WDFY1: variants seen among roughly 807,000 people sequenced by gnomAD.
WDFY1 encodes WD repeat and FYVE domain-containing protein 1.
Under a neutral mutation model 56.4 loss-of-function variants are expected in WDFY1, and 32 were observed. The observed-to-expected ratio is 0.57, with a 90% CI of 0.43 to 0.76. WDFY1 has a LOEUF of 0.76. Ranked by LOEUF, WDFY1 falls within the 30% of genes least tolerant of loss-of-function variation. The probability of loss-of-function intolerance (pLI) is 0.00; values close to 1 mark genes in which losing one functional copy is unlikely to be tolerated. For missense variants in WDFY1, 480 were observed against 545.7 expected (o/e 0.88, Z 1.20); for synonymous variants, 192 against 197.3 (o/e 0.97, Z 0.23).
At chr2:223,899,296 G>T in intron 5 of WDFY1, 2 of 448,876 alleles carry the variant, frequency 4.5e-6, no homozygotes, top group Non-Finnish European at 8.1e-6. Context: ...TACTGAGAAA[G>T]TTTATATTCA....
chr2:223,918,908 G>A (rs1315511626), intron 1 of WDFY1, among the ~76,000 whole-genome samples: 1 of 152,138 alleles, frequency 6.6e-6, no homozygotes, highest in African/African-American at 2.4e-5. Flanking sequence ...CACATCTCTG[G>A]GGCCCTCTTT....
chr2:223,921,464 A>G (rs1693883748), intron 1 of WDFY1, among the ~76,000 whole-genome samples: 1 of 152,236 alleles, frequency 6.6e-6, no homozygotes, highest in South Asian at 2.1e-4. Flanking sequence ...CAAGGGAAAA[A>G]AAAATAGAGA....
At chr2:223,891,275 T>A (rs75022431) in intron 8 of WDFY1, among the ~76,000 whole-genome samples, 135 of 148,970 alleles carry the variant, frequency 9.1e-4, no homozygotes, top group African/African-American at 3.3e-3. Context: ...CCCAGATACC[T>A]GGGAGGCTGA....
intron 3 of WDFY1, among the ~76,000 whole-genome samples, chr2:223,908,916 G>A (rs897784427): frequency 7.2e-5 from 11 of 152,114 alleles, no homozygotes; most frequent in Admixed American, 2.6e-4. Flanking sequence ...CCTGCTTCCC[G>A]GACAGTTCTT....
At chr2:223,912,794 G>A (rs1455072083) in intron 2 of WDFY1, among the ~76,000 whole-genome samples, 3 of 152,210 alleles carry the variant, frequency 2.0e-5, no homozygotes, top group Non-Finnish European at 4.4e-5. Context: ...TATGGCATAT[G>A]TGAGTTGTGA....
chr2:223,889,958 A>G (rs1693240115), intron 8 of WDFY1, among the ~76,000 whole-genome samples: 1 of 152,214 alleles, frequency 6.6e-6, no homozygotes, highest in Admixed American at 6.5e-5. Context: ...AAACTGGCTC[A>G]GAGATTAAAG....
chr2:223,895,407 C>A (rs754463705), intron 7 of WDFY1, 97 bp downstream of exon 7: 1 of 1,566,174 alleles, frequency 6.4e-7, no homozygotes, highest in African/African-American at 1.4e-5. Context: ...CATCTTAGAA[C>A]GTGGGGTTTG....
intron 1 of WDFY1, among the ~76,000 whole-genome samples, chr2:223,940,892 G>A (rs981928854): frequency 4.6e-5 from 7 of 150,656 alleles, no homozygotes; most frequent in African/African-American, 1.5e-4. Flanking sequence ...GCATGATCTC[G>A]GCTCACTTCA....
At chr2:223,942,075 C>A (rs1286694290) in intron 1 of WDFY1, among the ~76,000 whole-genome samples, 2 of 152,196 alleles carry the variant, frequency 1.3e-5, no homozygotes, top group Non-Finnish European at 2.9e-5. Flanking sequence ...CAAGCTCCCC[C>A]AGAACGTTTC....
intron 11 of WDFY1, among the ~76,000 whole-genome samples, chr2:223,879,152 A>AT (rs1477067245): frequency 2.6e-5 from 4 of 152,250 alleles, no homozygotes; most frequent in Non-Finnish European, 2.9e-5. Context: ...ACACCACTAC[A>AT]CTACAGTCTG....
chr2:223,941,988 G>A (rs888662393), intron 1 of WDFY1, among the ~76,000 whole-genome samples: 1 of 151,982 alleles, frequency 6.6e-6, no homozygotes, highest in African/African-American at 2.4e-5. Context: ...AACCTCAAAC[G>A]CCAACCCCAT....
intron 2 of WDFY1, among the ~76,000 whole-genome samples, chr2:223,916,915 A>G (rs1427994216): frequency 6.6e-6 from 1 of 151,660 alleles, no homozygotes; most frequent in East Asian, 1.9e-4. Context: ...CCCGGATTGA[A>G]GCGATTCTCC....
intron 10 of WDFY1, 43 bp downstream of exon 10, chr2:223,881,899 G>A: frequency 6.2e-7 from 1 of 1,607,414 alleles, no homozygotes; most frequent in African/African-American, 1.3e-5. Context: ...CCATTAGACA[G>A]ATGTAATAAG....
intron 1 of WDFY1, among the ~76,000 whole-genome samples, chr2:223,928,220 A>G (rs759408813): frequency 2.6e-5 from 4 of 152,230 alleles, no homozygotes; most frequent in Non-Finnish European, 5.9e-5. Flanking sequence ...TGGCACAGAT[A>G]GACTTGCCTG....
chr2:223,935,992 T>A (rs1244745101), intron 1 of WDFY1, among the ~76,000 whole-genome samples: 1 of 149,870 alleles, frequency 6.7e-6, no homozygotes, highest in Non-Finnish European at 1.5e-5. Context: ...AAAAGAACCA[T>A]AATAAATGAG....
rs1367399154 is a variant in WDFY1 at position 223,903,161 on chromosome 2, T to C, written c.335-1828A>G. Among the ~76,000 whole-genome samples the C allele has an allele frequency of 2.0e-5, 3 of 152,184 alleles. 1 individual carries two copies. Among genetic ancestry groups the C allele is most frequent in the African/African-American group, 4.8e-5 (2 of 41,446 alleles). ...CAAATGTTTTCTAAAATGTTATTAG[T>C]CAATGAAATATAAAGGTCCAAGAAC... On this transcript the variant is annotated intron_variant, in intron 4 of 11. Coordinates refer to ENST00000233055, the MANE Select transcript of WDFY1 (RefSeq NM_020830.5).
chr2:223,897,375 T>C (rs1376489526), intron 6 of WDFY1, among the ~76,000 whole-genome samples: 1 of 19,280 alleles, frequency 5.2e-5, no homozygotes, highest in Non-Finnish European at 2.0e-4. Flanking sequence ...TATATATATA[T>C]ATATATATAT....
chr2:223,936,878 T>C (rs1694175734), intron 1 of WDFY1, among the ~76,000 whole-genome samples: 1 of 152,240 alleles, frequency 6.6e-6, no homozygotes, highest in Non-Finnish European at 1.5e-5. Flanking sequence ...TTCACACATG[T>C]TGTCTTAATT....
At chr2:223,897,371 TATATATATA>T (rs761011671) in intron 6 of WDFY1, among the ~76,000 whole-genome samples, 1,840 of 65,274 alleles carry the variant, frequency 0.028, 98 homozygotes, top group Non-Finnish European at 0.03. Context: ...TATATATATA[TATATATATA>T]TATATATATA....
Sources: allele counts gnomAD v4.1 joint callset (sites outside exome capture counted in the v4.1 genomes callset), GRCh38; gene constraint gnomAD v4.1.1; transcripts MANE v1.5; gene names NCBI Gene and HGNC (gene_info 2026-07-23, HGNC 2026-07-21).